The following ATG14 variants were observed in gnomAD, a reference collection of about 807,000 sequenced individuals.
The protein encoded by ATG14 is autophagy related 14.
ATG14 carries 35 observed loss-of-function variants against 60.4 expected under a neutral mutation model. The ratio of observed to expected loss-of-function variants is 0.58; its 90% confidence interval spans 0.44 to 0.77. The LOEUF (loss-of-function observed/expected upper bound fraction) is 0.77, where lower values mean the gene tolerates loss of function less well. Ranked by LOEUF, ATG14 falls within the 30% of genes least tolerant of loss-of-function variation. ATG14 has a pLI of 0.00. For missense variants in ATG14, 647 were observed against 626.3 expected (o/e 1.03, Z -0.35); for synonymous variants, 234 against 228.8 (o/e 1.02, Z -0.21).
rs1885579029 is a variant in ATG14 at position 55,411,768 on chromosome 14, G to A, written c.55C>T (p.Pro19Ser). 3.7e-6 allele frequency: 6 copies of A among 1,605,762 alleles called. No homozygotes were observed. Among genetic ancestry groups the A allele is most frequent in the South Asian group, 3.3e-5 (3 of 89,952 alleles). The change falls in exon 1 of 10, where the codon CCC becomes TCC. Residue 19 changes from proline to serine, a missense_variant. Coordinates refer to ENST00000247178, the MANE Select transcript of ATG14 (RefSeq NM_014924.5). The stretch of plus-strand genomic sequence containing the variant: ...ACCAGGTCCCGGGCGAGCGGCCGGG[G>A]CCCGCAGCCAGGAGCCTCCAGCGCC... ...ARALEAPGCG[P>S]RPLARDLVDS... is the part of the protein sequence containing the mutation.
intron 1 of ATG14, among the ~76,000 whole-genome samples, chr14:55,400,847 T>C (rs1885385842): frequency 6.6e-6 from 1 of 151,840 alleles, no homozygotes; most frequent in African/African-American, 2.4e-5. Flanking sequence ...GAGGTTGCAG[T>C]GAGCTGAGAT....
rs187229302 is a variant in ATG14 at position 55,368,066 on chromosome 14, C to A, written c.*1553G>T. On this transcript the variant is annotated 3_prime_UTR_variant, in exon 10 of 10. Transcript: ENST00000247178. ...CTGTTAGGACTCTTTCATAGGATTT[C>A]TTTTGGTAGTTGTTACATAGGATTT... The A allele has an allele frequency of 6.6e-6, 1 of 152,350 alleles. No individual in the cohort carries two copies. Among genetic ancestry groups the A allele is most frequent in the African/African-American group, 2.4e-5 (1 of 41,494 alleles). 9.4% of individuals were successfully genotyped at this position (152,350 alleles called of 1,614,324 possible). A position where few individuals can be genotyped will look rare whatever the true frequency, so the allele number is the denominator to read the frequency against.
intron 3 of ATG14, among the ~76,000 whole-genome samples, chr14:55,392,388 C>A (rs1885233001): frequency 6.6e-6 from 1 of 152,130 alleles, no homozygotes; most frequent in African/African-American, 2.4e-5. Context: ...GTGACTCACA[C>A]CTGTAATCCT....
chr14:55,387,010 G>A (rs1243971537), intron 4 of ATG14, among the ~76,000 whole-genome samples: 13 of 152,090 alleles, frequency 8.5e-5, no homozygotes, highest in African/African-American at 3.1e-4. Flanking sequence ...TCCATTTCCA[G>A]TCCAAGTCTG....
chr14:55,393,103 T>C (rs1175248987), intron 3 of ATG14, among the ~76,000 whole-genome samples: 9 of 152,280 alleles, frequency 5.9e-5, no homozygotes, highest in South Asian at 2.1e-4. Context: ...AATATATGAC[T>C]GGGCGCGGTG....
At chr14:55,399,483 T>C (rs1004151215) in intron 1 of ATG14, among the ~76,000 whole-genome samples, 4 of 152,196 alleles carry the variant, frequency 2.6e-5, no homozygotes, top group South Asian at 2.1e-4. Flanking sequence ...GATGAACCCA[T>C]AGATTCATCA....
chr14:55,405,965 T>C (rs1401556110), intron 1 of ATG14, among the ~76,000 whole-genome samples: 1 of 151,806 alleles, frequency 6.6e-6, no homozygotes, highest in Non-Finnish European at 1.5e-5. Context: ...AGGTGGGGGA[T>C]GAGGAAAGGA....
At chr14:55,391,558 T>C (rs1012354804) in intron 3 of ATG14, among the ~76,000 whole-genome samples, 1 of 151,766 alleles carries the variant, frequency 6.6e-6, no homozygotes, top group African/African-American at 2.4e-5. Context: ...GAGAAAAAAG[T>C]TGAAGGACAT....
rs1431236759 is a variant in ATG14 at position 55,368,592 on chromosome 14, G to C, written c.*1027C>G. 1 of 152,210 alleles carries C rather than the reference G, an allele frequency of 6.6e-6. No homozygotes were observed. Among genetic ancestry groups the C allele is most frequent in the African/African-American group, 2.4e-5 (1 of 41,452 alleles). The allele number at this position is 152,210 out of a possible 1,614,324, so 9.4% of individuals were successfully genotyped here. On this transcript the variant is annotated 3_prime_UTR_variant, in exon 10 of 10. Transcript: ENST00000247178. ...AGCATCAGCCGTAAGGATCTGCGCT[G>C]CATTTCTGAGCAAAGCTGTGTCCTC...
rs1011921650 is a variant in ATG14, at chr14:55,368,072, G to A, written c.*1547C>T. 2.6e-5 allele frequency: 4 copies of A among 151,858 alleles called. No homozygotes were observed. Among genetic ancestry groups the A allele is most frequent in the African/African-American group, 9.7e-5 (4 of 41,288 alleles). 9.4% of individuals were successfully genotyped at this position (151,858 alleles called of 1,614,324 possible). A position where few individuals can be genotyped will look rare whatever the true frequency, so the allele number is the denominator to read the frequency against. On this transcript the variant is annotated 3_prime_UTR_variant, in exon 10 of 10. Transcript: ENST00000247178. ...GGACTCTTTCATAGGATTTCTTTTG[G>A]TAGTTGTTACATAGGATTTTTTTGC...
In ATG14 at chr14:55,369,822, C is replaced by G. The variant is rs1170395472; in HGVS notation, c.1276G>C (p.Asp426His). 3 of 1,614,108 alleles carry G rather than the reference C, an allele frequency of 1.9e-6. No individual in the cohort carries two copies. Among genetic ancestry groups the G allele is most frequent in the Admixed American group, 1.7e-5 (1 of 60,004 alleles). ...SDESGDERVSDEETDLGTDWE... is the reference protein window; with the variant it reads ...SDESGDERVSHEETDLGTDWE... Reference sequence around the variant, plus strand: ...TCTGTGCCCAGGTCGGTTTCTTCATCGCTGACGCGCTCATCTCCGCTCTCA... The same window carrying G: ...TCTGTGCCCAGGTCGGTTTCTTCATGGCTGACGCGCTCATCTCCGCTCTCA... The change falls in exon 10 of 10, where the codon GAT (aspartate) becomes CAT (histidine). Residue 426 changes from aspartate to histidine, a missense_variant. By Grantham distance (81) the Asp-to-His change is moderately conservative (BLOSUM62 -1). Coordinates refer to ENST00000247178, the MANE Select transcript of ATG14 (RefSeq NM_014924.5).
chr14:55,382,459 G>A (rs1192453921), intron 5 of ATG14, among the ~76,000 whole-genome samples: 1 of 152,100 alleles, frequency 6.6e-6, no homozygotes, highest in Non-Finnish European at 1.5e-5. Flanking sequence ...GGGACTACAG[G>A]TACCTACCTA....
chr14:55,398,958 A>G (rs1056633001), intron 1 of ATG14, among the ~76,000 whole-genome samples: 10 of 152,212 alleles, frequency 6.6e-5, no homozygotes, highest in African/African-American at 2.4e-4. Flanking sequence ...ATGCTGCAGT[A>G]ACATGATGTG....
intron 9 of ATG14, among the ~76,000 whole-genome samples, chr14:55,370,689 T>G (rs1884794953): frequency 6.6e-6 from 1 of 152,048 alleles, no homozygotes; most frequent in African/African-American, 2.4e-5. Context: ...TTGCCCAGGC[T>G]GGAGTGCAGT....
chr14:55,409,679 C>A (rs1885541713), intron 1 of ATG14, among the ~76,000 whole-genome samples: 1 of 151,972 alleles, frequency 6.6e-6, no homozygotes, highest in Non-Finnish European at 1.5e-5. Flanking sequence ...TGAGGACAGA[C>A]AAGGAGGCCA....
intron 3 of ATG14, 94 bp downstream of exon 3, chr14:55,395,846 G>A (rs1208969175): frequency 3.1e-6 from 3 of 959,974 alleles, no homozygotes; most frequent in African/African-American, 3.5e-5. Context: ...TGCTAAATAC[G>A]ATTTTTAAAA....
chr14:55,391,053 T>C, intron 3 of ATG14, 61 bp from the exon 4 acceptor site: 1 of 1,116,790 alleles, frequency 9.0e-7, no homozygotes, highest in Non-Finnish European at 1.3e-6. Flanking sequence ...TATGATTATC[T>C]ACCTGGGATC....
intron 5 of ATG14, among the ~76,000 whole-genome samples, chr14:55,383,012 T>C (rs750323141): frequency 1.3e-5 from 2 of 152,240 alleles, no homozygotes; most frequent in Non-Finnish European, 2.9e-5. Flanking sequence ...CTCTCTTTAA[T>C]ACTCAAGTCT....
intron 3 of ATG14, among the ~76,000 whole-genome samples, chr14:55,393,779 C>T (rs565561111): frequency 4.6e-5 from 7 of 152,060 alleles, no homozygotes; most frequent in African/African-American, 1.7e-4. Flanking sequence ...TTTTCAATTC[C>T]TGGGCTTGAG....
Sources: allele counts gnomAD v4.1 joint callset (sites outside exome capture counted in the v4.1 genomes callset), GRCh38; gene constraint gnomAD v4.1.1; transcripts MANE v1.5; gene names NCBI Gene and HGNC (gene_info 2026-07-23, HGNC 2026-07-21).